The following RBBP4 variants were observed in gnomAD, a reference collection of about 807,000 sequenced individuals.
RBBP4 encodes histone-binding protein RBBP4.
Under a neutral mutation model 57.2 loss-of-function variants are expected in RBBP4, and 3 were observed. The observed-to-expected ratio is 0.05, with a 90% CI of 0.02 to 0.14. The LOEUF (loss-of-function observed/expected upper bound fraction) is 0.14, where lower values mean the gene tolerates loss of function less well. Among genes scored for constraint, RBBP4 ranks in the 10% least tolerant of loss-of-function variants. The pLI is 1.00. For missense variants in RBBP4, 107 were observed against 520.6 expected, an observed-to-expected ratio of 0.21 and a Z score of 7.73; for synonymous variants, 151 against 171.5, an observed-to-expected ratio of 0.88 and a Z score of 0.93.
At position 32,681,975 on chromosome 1, in the gene RBBP4, C is replaced by T. The variant is rs945966892; in HGVS notation, c.*2270C>T. 4.4e-6 allele frequency: 4 copies of T among 918,212 alleles called. No individual in the cohort carries two copies. In the African/African-American group the frequency reaches 5.0e-5, roughly 11 times the overall value. The allele number at this position is 918,212 out of a possible 1,614,324, so 56.9% of individuals were successfully genotyped here. On this transcript the variant is annotated 3_prime_UTR_variant, in exon 12 of 12. Coordinates refer to ENST00000373493, the MANE Select transcript of RBBP4 (RefSeq NM_005610.3). ...TTTATGGATGATCAGGGATGACTTT[C>T]CCCTAGCAAATATTTGGATGCCTCC...
chr1:32,663,300 C>A (rs186150841), intron 3 of RBBP4, among the ~76,000 whole-genome samples: 16 of 152,196 alleles, frequency 1.1e-4, no homozygotes, highest in African/African-American at 3.4e-4. Flanking sequence ...TTATACCTCA[C>A]GTTTGTTTTA....
rs988274452 is a variant in RBBP4 at position 32,680,502 on chromosome 1, A to G, written c.*797A>G. ...GTTTTAAAAATTAAATTAATCCTTG[A>G]TAAGAGTTGCTTTTTTTTTTTAGGA... On this transcript the variant is annotated 3_prime_UTR_variant, in exon 12 of 12. Transcript: ENST00000373493. 3 of 1,540,554 alleles carry G rather than the reference A, an allele frequency of 1.9e-6. No homozygotes were observed. The highest frequency in any genetic ancestry group is 2.6e-6 in the Non-Finnish European group (3 of 1,143,426).
chr1:32,679,941 G>C lies in RBBP4; in HGVS notation c.*236G>C. Reference sequence around the variant, plus strand: ...TCTTCAGGAATTTTCTAGTAACCCAGGTCTAAAGTAGCTACAGAAAGGGGA... The same window carrying C: ...TCTTCAGGAATTTTCTAGTAACCCACGTCTAAAGTAGCTACAGAAAGGGGA... On this transcript the variant is annotated 3_prime_UTR_variant, in exon 12 of 12. Coordinates refer to ENST00000373493, the MANE Select transcript of RBBP4 (RefSeq NM_005610.3). The C allele has an allele frequency of 7.8e-7, 1 of 1,284,318 alleles. No homozygotes were observed. Among genetic ancestry groups the C allele is most frequent in the Non-Finnish European group, 9.8e-7 (1 of 1,018,562 alleles). 79.6% of individuals were successfully genotyped at this position (1,284,318 alleles called of 1,614,324 possible).
chr1:32,676,623 A>G (rs1251087221), intron 11 of RBBP4, among the ~76,000 whole-genome samples: 1 of 34,216 alleles, frequency 2.9e-5, no homozygotes, highest in African/African-American at 4.4e-5. Context: ...AAAAAAAAAA[A>G]AAAAAGAAAA....
At chr1:32,654,652 G>A (rs1490814311) in intron 2 of RBBP4, among the ~76,000 whole-genome samples, 2 of 152,186 alleles carry the variant, frequency 1.3e-5, no homozygotes, top group Admixed American at 6.5e-5. Context: ...TTCTGCATTA[G>A]CAAATCTAGA....
At chr1:32,657,032 T>C (rs547358965) in intron 2 of RBBP4, among the ~76,000 whole-genome samples, 1 of 152,166 alleles carries the variant, frequency 6.6e-6, no homozygotes, top group Non-Finnish European at 1.5e-5. Context: ...TCTCTGCACG[T>C]TGGGAGGCTG....
At chr1:32,657,951 C>A (rs1455973409) in intron 3 of RBBP4, among the ~76,000 whole-genome samples, 1 of 152,188 alleles carries the variant, frequency 6.6e-6, no homozygotes, top group Non-Finnish European at 1.5e-5. Context: ...CTCCCGGGTT[C>A]AAGCGATTCT....
chr1:32,652,158 C>T (rs1647775828), intron 2 of RBBP4, 97 bp downstream of exon 2: 5 of 1,397,608 alleles, frequency 3.6e-6, no homozygotes, highest in Admixed American at 2.2e-5. Flanking sequence ...CCGGAGAAGG[C>T]ATGTGATCAA....
At chr1:32,652,206 G>A in intron 2 of RBBP4, 145 bp downstream of exon 2, 5 of 946,028 alleles carry the variant, frequency 5.3e-6, no homozygotes, top group South Asian at 1.9e-5. Context: ...CACAAAGTAA[G>A]GCAAAATAAC....
intron 2 of RBBP4, among the ~76,000 whole-genome samples, chr1:32,656,720 G>C (rs915310949): frequency 2.6e-5 from 4 of 152,114 alleles, no homozygotes; most frequent in African/African-American, 9.7e-5. Flanking sequence ...CGTTTGGAGC[G>C]ATGTGTCCAT....
chr1:32,658,271 A>G (rs34580882), intron 3 of RBBP4, among the ~76,000 whole-genome samples: 1 of 151,948 alleles, frequency 6.6e-6, no homozygotes, highest in Non-Finnish European at 1.5e-5. Flanking sequence ...ACAGATATGC[A>G]CAGAGGACAT....
chr1:32,678,611 A>G (rs1198626780), intron 11 of RBBP4, among the ~76,000 whole-genome samples: 5 of 55,912 alleles, frequency 8.9e-5, no homozygotes, highest in Admixed American at 2.9e-4. Flanking sequence ...TTTTTTTGGC[A>G]CACAGTCTTG....
intron 11 of RBBP4, among the ~76,000 whole-genome samples, chr1:32,678,748 CAT>C (rs1362940036): frequency 6.6e-6 from 1 of 151,856 alleles, no homozygotes; most frequent in Admixed American, 6.6e-5. Flanking sequence ...CACCCCCACA[CAT>C]GGCTGATTTT....
At chr1:32,660,792 T>G (rs1398258599) in intron 3 of RBBP4, among the ~76,000 whole-genome samples, 6 of 151,994 alleles carry the variant, frequency 3.9e-5, no homozygotes, top group Non-Finnish European at 8.8e-5. Flanking sequence ...AATCCAGCCT[T>G]TTTTTCCTAA....
intron 11 of RBBP4, among the ~76,000 whole-genome samples, chr1:32,677,769 C>T (rs763851359): frequency 3.3e-5 from 5 of 152,088 alleles, no homozygotes; most frequent in Non-Finnish European, 5.9e-5. Context: ...TTAGAAGTAA[C>T]GTCAGAAAGC....
intron 3 of RBBP4, among the ~76,000 whole-genome samples, chr1:32,667,431 A>G (rs1648701700): frequency 1.3e-5 from 2 of 152,068 alleles, no homozygotes; most frequent in South Asian, 4.1e-4. Flanking sequence ...AATCACTTGG[A>G]CGACTCATCC....
chr1:32,658,316 G>T (rs1282575823), intron 3 of RBBP4, among the ~76,000 whole-genome samples: 1 of 151,258 alleles, frequency 6.6e-6, no homozygotes, highest in Admixed American at 6.6e-5. Flanking sequence ...CATGGGACTG[G>T]TGGGGAGGGA....
chr1:32,666,752 TAAAG>T (rs1237323811), intron 3 of RBBP4, among the ~76,000 whole-genome samples: 1 of 152,124 alleles, frequency 6.6e-6, no homozygotes, highest in Non-Finnish European at 1.5e-5. Context: ...TTCAGTATAA[TAAAG>T]AAAATAGTTA....
In RBBP4 at chr1:32,681,929, G is replaced by A. The variant is rs1557865387; in HGVS notation, c.*2224G>A. On this transcript the variant is annotated 3_prime_UTR_variant, in exon 12 of 12. Coordinates refer to ENST00000373493, the MANE Select transcript of RBBP4 (RefSeq NM_005610.3). ...GTTTAGTTACTGCAGGCTTTGTTGA[G>A]AAGAGATTGTTACAGTGTGATTTAT... 14 of 1,396,274 alleles carry A rather than the reference G, an allele frequency of 1.0e-5. No individual in the cohort carries two copies. Among genetic ancestry groups the A allele is most frequent in the Non-Finnish European group, 1.4e-5 (14 of 983,342 alleles). The allele number at this position is 1,396,274 out of a possible 1,614,324, so 86.5% of individuals were successfully genotyped here. A position where few individuals can be genotyped will look rare whatever the true frequency, so the allele number is the denominator to read the frequency against.
Sources: gnomAD v4.1 joint callset for allele counts (sites outside exome capture counted in the v4.1 genomes callset) on GRCh38, gnomAD v4.1.1 for gene constraint, MANE v1.5 for transcripts, NCBI Gene and HGNC (gene_info 2026-07-23, HGNC 2026-07-21) for gene names.